The following PISD variants were observed in gnomAD, a reference collection of about 807,000 sequenced individuals.
PISD encodes phosphatidylserine decarboxylase, also known as phosphatidylserine decarboxylase proenzyme, mitochondrial.
In PISD, 31 loss-of-function variants were observed where a neutral mutation model predicts 43.5. That is an observed-to-expected ratio of 0.71 (90% CI 0.54 to 0.96). PISD has a LOEUF of 0.96. Ranked by LOEUF, PISD falls within the 40% of genes least tolerant of loss-of-function variation. The probability of loss-of-function intolerance (pLI) is 0.00; values close to 1 mark genes in which losing one functional copy is unlikely to be tolerated. For missense variants in PISD, 523 were observed against 548.4 expected, an observed-to-expected ratio of 0.95 and a Z score of 0.46; for synonymous variants, 259 against 228.7, an observed-to-expected ratio of 1.13 and a Z score of -1.20.
At chr22:31,643,550 G>C (rs868401988) in intron 3 of PISD, among the ~76,000 whole-genome samples, 1 of 152,106 alleles carries the variant, frequency 6.6e-6, no homozygotes, top group Non-Finnish European at 1.5e-5. Context: ...AGCAAGATAT[G>C]ATCACACCAC....
chr22:31,651,500 T>C (rs1290063581), intron 1 of PISD, among the ~76,000 whole-genome samples: 1 of 152,140 alleles, frequency 6.6e-6, no homozygotes, highest in Admixed American at 6.6e-5. Context: ...CTTTTTGGGT[T>C]TTTTTTGGGA....
At chr22:31,626,578 C>T (rs1008915638) in intron 3 of PISD, among the ~76,000 whole-genome samples, 6 of 152,168 alleles carry the variant, frequency 3.9e-5, no homozygotes, top group South Asian at 4.1e-4. Context: ...CAGGCCTCCT[C>T]AGAAGCTGTG....
At chr22:31,644,106 G>T (rs2073814926) in intron 3 of PISD, among the ~76,000 whole-genome samples, 2 of 151,974 alleles carry the variant, frequency 1.3e-5, no homozygotes, top group Non-Finnish European at 2.9e-5. Context: ...CATTAGGTAG[G>T]GCTCATCTGC....
At chr22:31,634,159 C>T (rs1026972039) in intron 3 of PISD, among the ~76,000 whole-genome samples, 3 of 152,220 alleles carry the variant, frequency 2.0e-5, no homozygotes, top group South Asian at 4.1e-4. Context: ...AAGGTAGCTG[C>T]GGAACAGGGG....
At chr22:31,625,495 G>T in intron 3 of PISD, 1 of 580,134 alleles carries the variant, frequency 1.7e-6, no homozygotes, top group Non-Finnish European at 3.1e-6. Context: ...GGAGCACCAG[G>T]GTAGGGAAGA....
rs915136064 is a variant in PISD at position 31,619,711 on chromosome 22, G to A, written c.1131C>T (p.Gly377=). The change falls in exon 8 of 8, where the codon GGC becomes GGT. Residue 377 remains glycine, a synonymous_variant. Coordinates refer to ENST00000439502, the MANE Select transcript of PISD (RefSeq NM_001326411.2). ...KGEHLGEFNL[G]STIVLIFEAP... ...CCTCGAAGATGAGCACGATGGTGGA[G>A]CCCAGGTTGAACTCGCCCAGGTGCT... The A allele has an allele frequency of 2.5e-6, 4 of 1,614,230 alleles. No individual in the cohort carries two copies. The Admixed American group carries it at 5.0e-5, about 20-fold the overall frequency.
At chr22:31,640,112 C>T (rs991195099) in intron 3 of PISD, among the ~76,000 whole-genome samples, 8 of 151,912 alleles carry the variant, frequency 5.3e-5, no homozygotes, top group Non-Finnish European at 1.0e-4. Context: ...CTCCACGCGA[C>T]GGGGCTAAAT....
Position 31,621,903 on chromosome 22 carries a change from A to G in PISD, c.322-18T>C. ...AAAGCCACCTGCAGGCCACAGGGCA[A>G]GGGGCTGAGTTGACCACACTGCCCC... On this transcript the variant is annotated intron_variant, in intron 3 of 7. Transcript: ENST00000439502. 2 of 1,585,282 alleles carry G rather than the reference A, an allele frequency of 1.3e-6. No homozygotes were observed. The highest frequency in any genetic ancestry group is 1.7e-4 in the Middle Eastern group (1 of 6,040).
At chr22:31,648,415 C>T (rs1433721065) in intron 2 of PISD, 139 bp from the exon 3 acceptor site, 5 of 658,948 alleles carry the variant, frequency 7.6e-6, no homozygotes, top group Admixed American at 3.0e-5. Context: ...ACATGGCTCA[C>T]GCCTGTAATC....
At chr22:31,654,856 G>T (rs1437154447) in intron 1 of PISD, among the ~76,000 whole-genome samples, 1 of 152,072 alleles carries the variant, frequency 6.6e-6, no homozygotes, top group African/African-American at 2.4e-5. Flanking sequence ...TGGAGGAATT[G>T]CCTGAGCTCA....
chr22:31,621,497 G>T, intron 4 of PISD, 25 bp from the exon 5 acceptor site: 1 of 1,613,594 alleles, frequency 6.2e-7, no homozygotes, highest in African/African-American at 1.3e-5. Context: ...GAGGCTTGCT[G>T]CCAGGGAGAG....
Position 31,641,588 on chromosome 22 carries a change from G to A in PISD, c.321+6513C>T, listed in dbSNP as rs1216389387. Among the ~76,000 whole-genome samples the A allele has an allele frequency of 2.6e-5, 4 of 151,992 alleles. No homozygotes were observed. In the South Asian group the frequency reaches 6.2e-4, roughly 24 times the overall value. Reference sequence around the variant, plus strand: ...TCCCAGCTTTGGGAGGCTGAGGTGGGCAGATCACCTGAGGTCAAGAGTTCA... The same window carrying A: ...TCCCAGCTTTGGGAGGCTGAGGTGGACAGATCACCTGAGGTCAAGAGTTCA... On this transcript the variant is annotated intron_variant, in intron 3 of 7. Coordinates refer to ENST00000439502, the MANE Select transcript of PISD (RefSeq NM_001326411.2).
At chr22:31,637,180 T>A (rs1476228825) in intron 3 of PISD, among the ~76,000 whole-genome samples, 17 of 58,862 alleles carry the variant, frequency 2.9e-4, no homozygotes, top group Non-Finnish European at 3.9e-4. Flanking sequence ...TATATATATA[T>A]ATATATATAT....
chr22:31,639,282 CTG>C (rs1275466587), intron 3 of PISD, among the ~76,000 whole-genome samples: 4 of 152,148 alleles, frequency 2.6e-5, no homozygotes, highest in African/African-American at 9.7e-5. Flanking sequence ...AGTGATTCTC[CTG>C]TCTCAGCCTC....
chr22:31,652,839 G>A (rs999346395), intron 1 of PISD, among the ~76,000 whole-genome samples: 1 of 151,796 alleles, frequency 6.6e-6, no homozygotes, highest in Admixed American at 6.6e-5. Flanking sequence ...AGGAGTTCAA[G>A]ACCAGCCTGG....
intron 3 of PISD, among the ~76,000 whole-genome samples, chr22:31,645,069 C>T (rs5753741): frequency 0.41 from 61,558 of 151,584 alleles, 13,541 homozygotes; most frequent in Middle Eastern, 0.58. Flanking sequence ...TGCAGTGAGC[C>T]GAGATCATGC....
chr22:31,619,920 C>T, intron 7 of PISD, 84 bp from the exon 8 acceptor site: 1 of 887,824 alleles, frequency 1.1e-6, no homozygotes, highest in Non-Finnish European at 1.7e-6. Flanking sequence ...GTCCCACTCC[C>T]TCTGTTGCTT....
chr22:31,649,728 T>A (rs2073984312), intron 2 of PISD, among the ~76,000 whole-genome samples: 1 of 151,988 alleles, frequency 6.6e-6, no homozygotes, highest in South Asian at 2.1e-4. Context: ...CGAGACTCCA[T>A]CTCAAAAAAA....
intron 3 of PISD, 63 bp downstream of exon 3, chr22:31,648,038 C>G (rs1945577188): frequency 4.2e-6 from 6 of 1,412,420 alleles, no homozygotes; most frequent in Non-Finnish European, 3.9e-6. Context: ...TTTGGAACAA[C>G]TGGAAAAGTG....
Sources: allele counts gnomAD v4.1 joint callset (sites outside exome capture counted in the v4.1 genomes callset), GRCh38; gene constraint gnomAD v4.1.1; transcripts MANE v1.5; gene names NCBI Gene and HGNC (gene_info 2026-07-23, HGNC 2026-07-21).